The following MLH3 variants were observed in gnomAD, a reference collection of about 807,000 sequenced individuals.
The protein encoded by MLH3 is DNA mismatch repair protein Mlh3.
In MLH3, 82 loss-of-function variants were observed where a neutral mutation model predicts 122.2. The ratio of observed to expected loss-of-function variants is 0.67; its 90% CI spans 0.56 to 0.81. The LOEUF is 0.81. Among genes scored for constraint, MLH3 ranks in the 30% least tolerant of loss-of-function variants. The pLI is 0.00. For synonymous variants in MLH3, 524 were observed against 599.5 expected, an observed-to-expected ratio of 0.87 and a Z score of 1.84; for missense variants, 1,539 against 1,714.5, an observed-to-expected ratio of 0.90 and a Z score of 1.81.
At chr14:75,025,711 C>A (rs1321449740) in intron 9 of MLH3, among the ~76,000 whole-genome samples, 1 of 152,112 alleles carries the variant, frequency 6.6e-6, no homozygotes, top group Non-Finnish European at 1.5e-5. Context: ...TATGTACAGC[C>A]CAGATTTATT....
In MLH3 at chr14:75,013,880, A is replaced by G; in HGVS notation, c.*3202T>C. ...CCACCTTTTTGCCATCTCACCGTTGATGAGCAGCTTCAGCTTAGAGGGTAA... is the reference window on the plus strand; with the variant it reads ...CCACCTTTTTGCCATCTCACCGTTGGTGAGCAGCTTCAGCTTAGAGGGTAA... On this transcript the variant is annotated 3_prime_UTR_variant, in exon 13 of 13. Transcript: ENST00000355774. 4.6e-6 allele frequency: 1 copy of G among 215,628 alleles called. No individual in the cohort carries two copies. The highest frequency in any genetic ancestry group is 9.4e-6 in the Non-Finnish European group (1 of 106,824). The allele number at this position is 215,628 out of a possible 1,614,324, so 13.4% of individuals were successfully genotyped here. A position where few individuals can be genotyped will look rare whatever the true frequency, so the allele number is the denominator to read the frequency against.
intron 4 of MLH3, 121 bp from the exon 5 acceptor site, chr14:75,040,136 ATTCAGGGAATTTATAGAAAT>A (rs1333455467): frequency 3.5e-6 from 2 of 577,244 alleles, no homozygotes; most frequent in African/African-American, 3.8e-5. Flanking sequence ...GGTGGGTTTA[ATTCAGGGAATTTATAGAAAT>A]TCAAAAGAAT....
intron 9 of MLH3, among the ~76,000 whole-genome samples, chr14:75,026,387 A>AGTGGATAAGCTGAAATAAAAAATTAT (rs1566579061): frequency 2.0e-5 from 3 of 152,252 alleles, no homozygotes; most frequent in African/African-American, 7.2e-5. Flanking sequence ...TAAAAAACTC[A>AGTGGATAAGCTGAAATAAAAAATTAT]GTGGATAAGC....
rs1889916394 is a variant in MLH3 at position 75,016,895 on chromosome 14, A to G, written c.*187T>C. ...TGAATTGTCTTTAGGCTTGAATTTCATCTGGCTACTCAACTAGGGGAATCA... is the reference window on the plus strand; with the variant it reads ...TGAATTGTCTTTAGGCTTGAATTTCGTCTGGCTACTCAACTAGGGGAATCA... On this transcript the variant is annotated 3_prime_UTR_variant, in exon 13 of 13. Transcript: ENST00000355774. 13 of 650,606 alleles carry G rather than the reference A, an allele frequency of 2.0e-5. No individual in the cohort carries two copies. The South Asian group carries it at 2.0e-4, about 10-fold the overall frequency. The allele number at this position is 650,606 out of a possible 1,614,324, so 40.3% of individuals were successfully genotyped here.
Position 75,048,222 on chromosome 14 carries a change from T to C in MLH3, c.1434A>G (p.Ala478=), listed in dbSNP as rs755697104. 2 of 1,613,642 alleles carry C rather than the reference T, an allele frequency of 1.2e-6. No individual in the cohort carries two copies. The highest frequency in any genetic ancestry group is 1.3e-5 in the African/African-American group (1 of 74,882). Residue 478 remains alanine (A), a synonymous_variant, in exon 2 of 13, where the codon GCA becomes GCG. Transcript: ENST00000355774. ...GTTTCTCATTTTCTCCAGCTTCTGATGCTACAATTGTCTCTTGTTCTAACA... is the reference window on the plus strand; with the variant it reads ...GTTTCTCATTTTCTCCAGCTTCTGACGCTACAATTGTCTCTTGTTCTAACA... The part of the protein sequence containing the change: ...SKMLEQETIV[A]SEAGENEKHK...
rs372175165 is a variant in MLH3, at chr14:75,047,012, C to G, written c.2644G>C (p.Gly882Arg). The G allele has an allele frequency of 1.2e-6, 2 of 1,614,000 alleles. No homozygotes were observed. Among genetic ancestry groups the G allele is most frequent in the Non-Finnish European group, 1.7e-6 (2 of 1,180,036 alleles). Residue 882 changes from glycine (G) to arginine (R), a missense_variant, in exon 2 of 13, where the codon GGT becomes CGT. Physicochemically the swap from Gly to Arg is moderately radical, Grantham distance 125. Transcript: ENST00000355774. ...SLASKLSRLK[G>R]SERETQTMGM... is the part of the protein sequence containing the mutation. ...ATTGTTTGAGTTTCTCTTTCGGAAC[C>G]CTTCAGTCTGGATAATTTAGAGGCT...
chr14:75,041,481 G>A (rs1027741443), intron 4 of MLH3, 134 bp downstream of exon 4: 22 of 725,686 alleles, frequency 3.0e-5, no homozygotes, highest in Admixed American at 4.4e-5. Context: ...CCTGGGAAGC[G>A]AAGGTTACGT....
At chr14:75,021,802 A>T (rs1890295041) in intron 11 of MLH3, among the ~76,000 whole-genome samples, 1 of 152,238 alleles carries the variant, frequency 6.6e-6, no homozygotes, top group African/African-American at 2.4e-5. Context: ...CAAAACTACC[A>T]TTCAACCCAG....
intron 2 of MLH3, among the ~76,000 whole-genome samples, chr14:75,044,496 A>G (rs1396651736): frequency 6.6e-6 from 1 of 152,250 alleles, no homozygotes; most frequent in African/African-American, 2.4e-5. Context: ...ATGAGGTGTC[A>G]GTGCTGTAGA....
At chr14:75,024,242 C>T (rs1890478046) in intron 9 of MLH3, among the ~76,000 whole-genome samples, 1 of 152,122 alleles carries the variant, frequency 6.6e-6, no homozygotes, top group East Asian at 1.9e-4. Flanking sequence ...ACTCTTGTTG[C>T]CCAGGCTGGA....
intron 4 of MLH3, among the ~76,000 whole-genome samples, chr14:75,040,554 C>CA (rs1393182298): frequency 3.0e-5 from 3 of 100,198 alleles, no homozygotes; most frequent in East Asian, 3.2e-4. Flanking sequence ...ACTGACAAAA[C>CA]AAAAAAAATT....
chr14:75,019,134 G>T, intron 11 of MLH3, 154 bp from the exon 12 acceptor site: 1 of 713,200 alleles, frequency 1.4e-6, no homozygotes. Context: ...CTTATAGGCC[G>T]GGCATGGTGT....
At chr14:75,033,376 G>A (rs1356948725) in intron 7 of MLH3, 43 bp downstream of exon 7, 1 of 1,508,968 alleles carries the variant, frequency 6.6e-7, no homozygotes, top group African/African-American at 1.4e-5. Context: ...TACTGATTCT[G>A]CTGGGAGTCT....
At position 75,015,157 on chromosome 14, in the gene MLH3, TAA is replaced by T. The variant is rs1460916458; in HGVS notation, c.*1923_*1924del. The T allele has an allele frequency of 2.9e-5, 5 of 174,902 alleles. No homozygotes were observed. In the East Asian group the frequency reaches 4.0e-4, roughly 14 times the overall value. 10.8% of individuals were successfully genotyped at this position (174,902 alleles called of 1,614,324 possible). On this transcript the variant is annotated 3_prime_UTR_variant, in exon 13 of 13. Coordinates refer to ENST00000355774, the MANE Select transcript of MLH3 (RefSeq NM_001040108.2). ...ATCTTTGTTCTTATGGCATCTGAGT[TAA>T]AAACAACATAAAACCCTAACAGGCG...
rs1008276424 is a variant in MLH3, at chr14:75,049,838, G to A, written c.-63-120C>T. On this transcript the variant is annotated intron_variant, in intron 1 of 12. Transcript: ENST00000355774. ...TTATTAAACCAAATTGTGAAACAAA[G>A]CAAAACAAAGTTATACCGCTGATCT... The A allele has an allele frequency of 1.2e-5, 8 of 680,422 alleles. No individual in the cohort carries two copies. In the African/African-American group the frequency reaches 1.3e-4, roughly 11 times the overall value. The allele number at this position is 680,422 out of a possible 1,614,324, so 42.1% of individuals were successfully genotyped here. A position where few individuals can be genotyped will look rare whatever the true frequency, so the allele number is the denominator to read the frequency against.
chr14:75,048,752 G>A lies in MLH3; in HGVS notation c.904C>T (p.Leu302Phe). Reference sequence around the variant, plus strand: ...ACATTAATTACATATATGCCATAGAGTTCTGGGGTAGACCGGTGCCGAAGA... The same window carrying A: ...ACATTAATTACATATATGCCATAGAATTCTGGGGTAGACCGGTGCCGAAGA... ...SSLRHRSTPE[L>F]YGIYVINVQC... The change falls in exon 2 of 13, where the codon CTC becomes TTC. Residue 302 changes from leucine to phenylalanine, a missense_variant. Leu to Phe is a conservative substitution (Grantham distance 22). Coordinates refer to ENST00000355774, the MANE Select transcript of MLH3 (RefSeq NM_001040108.2). 1.2e-6 allele frequency: 2 copies of A among 1,614,138 alleles called. No individual in the cohort carries two copies. Among genetic ancestry groups the A allele is most frequent in the Non-Finnish European group, 1.7e-6 (2 of 1,180,012 alleles).
At chr14:75,022,720 G>T in intron 11 of MLH3, 94 bp downstream of exon 11, 2 of 1,049,442 alleles carry the variant, frequency 1.9e-6, no homozygotes, top group Non-Finnish European at 3.0e-6. Context: ...GAGTCAAGTA[G>T]TAAATGTACC....
rs1239346046 is a variant in MLH3 at position 75,049,125 on chromosome 14, A to G, written c.531T>C (p.Ala177=). The stretch of plus-strand genomic sequence containing the variant: ...AAATGGAAGGGTGCATGAGTGAGAG[A>G]GCTTCTATTCTCTGCCTAACCTTCT... ...EFEKVRQRIE[A]LSLMHPSISF... Residue 177 remains alanine, a synonymous_variant, in exon 2 of 13, where the codon GCT becomes GCC. Transcript: ENST00000355774. The G allele has an allele frequency of 2.5e-6, 4 of 1,614,058 alleles. No homozygotes were observed. The Admixed American group carries it at 6.7e-5, about 27-fold the overall frequency.
At chr14:75,038,273 A>G (rs1891555762) in intron 6 of MLH3, 67 bp downstream of exon 6, 4 of 1,079,294 alleles carry the variant, frequency 3.7e-6, no homozygotes, top group Non-Finnish European at 4.3e-6. Flanking sequence ...TATACCAAAA[A>G]TAATCATTAA....
Sources: allele counts gnomAD v4.1 joint callset (sites outside exome capture counted in the v4.1 genomes callset), GRCh38; gene constraint gnomAD v4.1.1; transcripts MANE v1.5; gene names NCBI Gene and HGNC (gene_info 2026-07-23, HGNC 2026-07-21).